DRC8: variants seen among roughly 807,000 people sequenced by gnomAD.
DRC8 encodes dynein regulatory complex protein 8.
chr1:244,990,584 G>A, the DRC8 span, among the ~76,000 whole-genome samples: 1 of 152,086 alleles, frequency 6.6e-6, no homozygotes, highest in Non-Finnish European at 1.5e-5. Context: ...TTTCAGCTTT[G>A]GCCATTGGAA....
At chr1:245,098,340 G>T in the DRC8 span, among the ~76,000 whole-genome samples, 1 of 152,158 alleles carries the variant, frequency 6.6e-6, no homozygotes, top group African/African-American at 2.4e-5. Context: ...GTGCACCGAA[G>T]ATGTTTAAAA....
the DRC8 span, among the ~76,000 whole-genome samples, chr1:245,040,100 G>A: frequency 6.6e-6 from 1 of 152,186 alleles, no homozygotes; most frequent in African/African-American, 2.4e-5. Context: ...TGTTATTACT[G>A]TGGTTTTTGC....
At chr1:245,065,345 G>A in the DRC8 span, among the ~76,000 whole-genome samples, 5 of 151,868 alleles carry the variant, frequency 3.3e-5, no homozygotes, top group Non-Finnish European at 5.9e-5. Context: ...GAGCCACCGC[G>A]CCCAGCCTAA....
At chr1:244,982,253 A>G in the DRC8 span, among the ~76,000 whole-genome samples, 1 of 152,240 alleles carries the variant, frequency 6.6e-6, no homozygotes, top group East Asian at 1.9e-4. Context: ...ATGACAAGAC[A>G]TGCTAATAGG....
the DRC8 span, among the ~76,000 whole-genome samples, chr1:245,057,595 G>T: frequency 3.3e-5 from 5 of 151,908 alleles, no homozygotes; most frequent in South Asian, 1.0e-3. Context: ...GGTCTAGCAC[G>T]GGCCTAGAAT....
the DRC8 span, among the ~76,000 whole-genome samples, chr1:245,121,502 G>T: frequency 6.6e-6 from 1 of 152,180 alleles, no homozygotes; most frequent in Non-Finnish European, 1.5e-5. Flanking sequence ...CCCTTGCAGA[G>T]ACAGATCACC....
chr1:245,020,613 CTTTT>C, the DRC8 span, among the ~76,000 whole-genome samples: 783 of 59,718 alleles, frequency 0.013, 12 homozygotes, highest in African/African-American at 0.046. Flanking sequence ...GTTTTTCTTT[CTTTT>C]TTTTTTTTTT....
the DRC8 span, among the ~76,000 whole-genome samples, chr1:245,066,140 A>G: frequency 6.6e-6 from 1 of 151,724 alleles, no homozygotes. Flanking sequence ...TTCCCATTAT[A>G]TTTTTTCCTA....
the DRC8 span, among the ~76,000 whole-genome samples, chr1:245,054,558 C>A: frequency 6.6e-6 from 1 of 152,166 alleles, no homozygotes; most frequent in East Asian, 1.9e-4. Context: ...TTAGCCTCCA[C>A]GCCCCGGCCC....
At chr1:245,033,354 C>T in the DRC8 span, among the ~76,000 whole-genome samples, 8 of 152,362 alleles carry the variant, frequency 5.3e-5, no homozygotes, top group Middle Eastern at 3.4e-3. Context: ...CCGAGTTCTC[C>T]TCTCCCGGAG....
the DRC8 span, among the ~76,000 whole-genome samples, chr1:245,041,850 A>G: frequency 6.6e-6 from 1 of 152,078 alleles, no homozygotes; most frequent in Non-Finnish European, 1.5e-5. Context: ...GCACAGGGAG[A>G]AAAAGTGGCG....
the DRC8 span, among the ~76,000 whole-genome samples, chr1:245,029,553 C>T: frequency 6.6e-6 from 1 of 151,594 alleles, no homozygotes; most frequent in African/African-American, 2.4e-5. Flanking sequence ...CCATCTCAGC[C>T]CTCCCAAAGT....
the DRC8 span, among the ~76,000 whole-genome samples, chr1:245,027,098 G>C: frequency 6.6e-6 from 1 of 152,172 alleles, no homozygotes; most frequent in Non-Finnish European, 1.5e-5. Flanking sequence ...ATTTTTAAAA[G>C]AGTGATTTAT....
chr1:245,018,728 A>G, the DRC8 span, among the ~76,000 whole-genome samples: 3 of 152,190 alleles, frequency 2.0e-5, no homozygotes, highest in Non-Finnish European at 4.4e-5. Flanking sequence ...AAGAGAGAAA[A>G]GAAACCAGCA....
the DRC8 span, chr1:244,970,584 C>G: frequency 1.8e-6 from 2 of 1,087,552 alleles, no homozygotes; most frequent in East Asian, 3.2e-5. Flanking sequence ...GAGGGGGCCA[C>G]CCGGCAGCAG....
the DRC8 span, among the ~76,000 whole-genome samples, chr1:245,072,529 G>A: frequency 1.3e-5 from 2 of 152,116 alleles, no homozygotes; most frequent in African/African-American, 2.4e-5. Context: ...GAGCCACCAC[G>A]CCTGGCCTCA....
At chr1:245,037,923 A>G in the DRC8 span, among the ~76,000 whole-genome samples, 1 of 152,162 alleles carries the variant, frequency 6.6e-6, no homozygotes, top group African/African-American at 2.4e-5. Context: ...ATAGACAAAA[A>G]TATAACAAAA....
At chr1:245,074,746 A>T in the DRC8 span, among the ~76,000 whole-genome samples, 10 of 152,048 alleles carry the variant, frequency 6.6e-5, no homozygotes, top group African/African-American at 1.2e-4. Flanking sequence ...TGGCTTTAAA[A>T]TTTTTGTTTT....
the DRC8 span, among the ~76,000 whole-genome samples, chr1:244,980,439 G>A: frequency 3.3e-5 from 5 of 152,134 alleles, no homozygotes; most frequent in African/African-American, 1.2e-4. Context: ...AATCACTTGG[G>A]CAAGTGTGCT....
Sources: allele counts gnomAD v4.1 joint callset (sites outside exome capture counted in the v4.1 genomes callset), GRCh38; gene constraint gnomAD v4.1.1; transcripts MANE v1.5; gene names NCBI Gene and HGNC (gene_info 2026-07-23, HGNC 2026-07-21).